The following RAB11FIP4 variants were observed in gnomAD, a reference collection of about 807,000 sequenced individuals.
The protein encoded by RAB11FIP4 is RAB11 family interacting protein 4, also known as rab11 family-interacting protein 4.
RAB11FIP4 carries 23 observed loss-of-function variants against 74.3 expected under a neutral mutation model. That is an observed-to-expected ratio of 0.31 (90% confidence interval 0.22 to 0.44). The LOEUF is 0.44. Ranked by LOEUF, RAB11FIP4 falls within the 20% of genes least tolerant of loss-of-function variation. RAB11FIP4 has a pLI of 1.00. For missense variants in RAB11FIP4, 630 were observed against 863.9 expected (o/e 0.73, Z 3.39); for synonymous variants, 360 against 359.9 (o/e 1.00, Z 0.00).
At chr17:31,476,852 GTTT>G (rs2071798394) in intron 3 of RAB11FIP4, among the ~76,000 whole-genome samples, 1 of 152,228 alleles carries the variant, frequency 6.6e-6, no homozygotes. Context: ...GGCACCTTTG[GTTT>G]TCCTTTGCCC....
At chr17:31,438,069 T>C (rs1047144061) in intron 3 of RAB11FIP4, among the ~76,000 whole-genome samples, 5 of 152,104 alleles carry the variant, frequency 3.3e-5, no homozygotes, top group Admixed American at 6.5e-5. Context: ...ATGTTAGGTG[T>C]GTCCTGAAGG....
intron 3 of RAB11FIP4, among the ~76,000 whole-genome samples, chr17:31,493,754 A>G (rs1407311668): frequency 6.6e-6 from 1 of 151,406 alleles, no homozygotes; most frequent in Non-Finnish European, 1.5e-5. Context: ...CACCCTTCTG[A>G]TTTCACTTTC....
At chr17:31,514,539 AAG>A (rs2072511872) in intron 3 of RAB11FIP4, among the ~76,000 whole-genome samples, 1 of 152,368 alleles carries the variant, frequency 6.6e-6, no homozygotes, top group Admixed American at 6.5e-5. Context: ...GAAAGGGGAA[AAG>A]AGGCTCAGCT....
rs565960681 is a variant in RAB11FIP4 at position 31,421,615 on chromosome 17, A to C, written c.160-10198A>C. 3.5e-4 allele frequency among the ~76,000 whole-genome samples: 52 copies of C among 147,890 alleles called. 1 individual carries two copies. Among genetic ancestry groups the C allele is most frequent in the African/African-American group, 1.2e-3 (47 of 39,852 alleles). On this transcript the variant is annotated intron_variant, in intron 1 of 14. Transcript: ENST00000621161. Reference sequence around the variant, plus strand: ...CTTGTTGCCCAGGCTGGAGTGCAATAGCGCAATCTCGGCTCACTGCAAACT... The same window carrying C: ...CTTGTTGCCCAGGCTGGAGTGCAATCGCGCAATCTCGGCTCACTGCAAACT...
intron 2 of RAB11FIP4, among the ~76,000 whole-genome samples, chr17:31,433,742 G>A (rs1233717163): frequency 2.0e-5 from 3 of 152,174 alleles, no homozygotes; most frequent in African/African-American, 7.2e-5. Flanking sequence ...CACTGCCTTA[G>A]GTCCCCTCCC....
At chr17:31,428,389 A>G (rs751215700) in intron 1 of RAB11FIP4, among the ~76,000 whole-genome samples, 22 of 152,126 alleles carry the variant, frequency 1.4e-4, no homozygotes, top group Non-Finnish European at 3.2e-4. Flanking sequence ...GATGGCGTGA[A>G]CACTGACAAC....
Position 31,521,836 on chromosome 17 carries a change from A to C in RAB11FIP4, c.759-79A>C. The C allele has an allele frequency of 2.6e-6, 4 of 1,565,938 alleles. No individual in the cohort carries two copies. The South Asian group carries it at 4.6e-5, about 18-fold the overall frequency. On this transcript the variant is annotated intron_variant, in intron 5 of 14. Coordinates refer to ENST00000621161, the MANE Select transcript of RAB11FIP4 (RefSeq NM_032932.6). ...GTTCAAAGGTACTGGGGACTCAAGT[A>C]AAGTCAGCTCAGCAGGGTGGTGTAG...
intron 3 of RAB11FIP4, among the ~76,000 whole-genome samples, chr17:31,504,731 G>A (rs2072285121): frequency 6.6e-6 from 1 of 152,124 alleles, no homozygotes; most frequent in Non-Finnish European, 1.5e-5. Flanking sequence ...ATCTACTCCA[G>A]ATTCCATCCT....
intron 3 of RAB11FIP4, among the ~76,000 whole-genome samples, chr17:31,500,382 A>G (rs1331782520): frequency 6.6e-6 from 1 of 152,166 alleles, no homozygotes; most frequent in African/African-American, 2.4e-5. Flanking sequence ...ACTGACCACA[A>G]CAGAGGGAGG....
chr17:31,478,507 C>A (rs145670207), intron 3 of RAB11FIP4, among the ~76,000 whole-genome samples: 9 of 152,234 alleles, frequency 5.9e-5, no homozygotes, highest in Admixed American at 4.6e-4. Context: ...CCTGTGACAT[C>A]TTCAAGAGGG....
At chr17:31,415,178 G>T (rs1023291752) in intron 1 of RAB11FIP4, among the ~76,000 whole-genome samples, 4 of 152,212 alleles carry the variant, frequency 2.6e-5, no homozygotes, top group Non-Finnish European at 5.9e-5. Flanking sequence ...AGAGCCCCCC[G>T]GAACTGGCTT....
intron 3 of RAB11FIP4, among the ~76,000 whole-genome samples, chr17:31,500,729 A>G (rs746370149): frequency 2.6e-5 from 4 of 152,244 alleles, no homozygotes; most frequent in Admixed American, 6.5e-5. Flanking sequence ...GAGAATGCAC[A>G]AGAAAATGGA....
chr17:31,408,320 A>G (rs776153447), intron 1 of RAB11FIP4, among the ~76,000 whole-genome samples: 2 of 152,232 alleles, frequency 1.3e-5, no homozygotes, highest in Admixed American at 1.3e-4. Flanking sequence ...CTATTAGATT[A>G]GAGAGTGCTG....
intron 3 of RAB11FIP4, among the ~76,000 whole-genome samples, chr17:31,437,884 C>A (rs2071374558): frequency 6.6e-6 from 1 of 152,130 alleles, no homozygotes; most frequent in African/African-American, 2.4e-5. Context: ...CTATCCCGGG[C>A]AGTTGATGCC....
intron 3 of RAB11FIP4, among the ~76,000 whole-genome samples, chr17:31,488,628 G>C (rs1325588307): frequency 1.3e-5 from 2 of 152,212 alleles, no homozygotes; most frequent in African/African-American, 4.8e-5. Flanking sequence ...GGGTCCCCGA[G>C]GGGGCTGAGC....
chr17:31,393,580 C>T (rs933454882), intron 1 of RAB11FIP4, among the ~76,000 whole-genome samples: 3 of 152,210 alleles, frequency 2.0e-5, no homozygotes, highest in African/African-American at 7.2e-5. Context: ...GAACCTTCTC[C>T]CTCATACACT....
chr17:31,405,645 C>T (rs1597899584), intron 1 of RAB11FIP4, among the ~76,000 whole-genome samples: 1 of 152,182 alleles, frequency 6.6e-6, no homozygotes, highest in East Asian at 1.9e-4. Flanking sequence ...AGTGCTACCG[C>T]ACCCAGCCTG....
rs2071340455 is a variant in RAB11FIP4, at chr17:31,434,520, G to A, written c.336+398G>A. Among the ~76,000 whole-genome samples the A allele has an allele frequency of 2.0e-5, 3 of 152,022 alleles. No homozygotes were observed. The South Asian group carries it at 6.3e-4, about 32-fold the overall frequency. On this transcript the variant is annotated intron_variant, in intron 3 of 14. Coordinates refer to ENST00000621161, the MANE Select transcript of RAB11FIP4 (RefSeq NM_032932.6). The stretch of plus-strand genomic sequence containing the variant: ...ATTCTCCAATTCTCTGACACTAACT[G>A]GTGTCCAGCAATCAGTTCCACCTGC...
intron 3 of RAB11FIP4, among the ~76,000 whole-genome samples, chr17:31,485,707 C>T (rs1036200960): frequency 6.6e-6 from 1 of 152,112 alleles, no homozygotes; most frequent in Non-Finnish European, 1.5e-5. Context: ...TGGGCTCAAT[C>T]GCATACCACA....
Sources: allele counts gnomAD v4.1 joint callset (sites outside exome capture counted in the v4.1 genomes callset), GRCh38; gene constraint gnomAD v4.1.1; transcripts MANE v1.5; gene names NCBI Gene and HGNC (gene_info 2026-07-23, HGNC 2026-07-21).